Variants in ZMYM2 observed in about 807,000 individuals in gnomAD.
ZMYM2 encodes the protein zinc finger MYM-type protein 2.
Under a neutral mutation model 162.8 loss-of-function variants are expected in ZMYM2, and 56 were observed. The ratio of observed to expected loss-of-function variants is 0.34; its 90% CI spans 0.28 to 0.43. The LOEUF (loss-of-function observed/expected upper bound fraction) is 0.43. Among genes scored for constraint, ZMYM2 ranks in the 20% least tolerant of loss-of-function variants. The probability of loss-of-function intolerance (pLI) is 1.00; values close to 1 mark genes in which losing one functional copy is unlikely to be tolerated. For missense variants in ZMYM2, 1,275 were observed against 1,621.8 expected (o/e 0.79, Z 3.67); for synonymous variants, 510 against 541.6 (o/e 0.94, Z 0.81).
chr13:19,985,298 A>AT (rs1438123225), intron 2 of ZMYM2, among the ~76,000 whole-genome samples: 1 of 151,942 alleles, frequency 6.6e-6, no homozygotes, highest in Admixed American at 6.6e-5. Context: ...TAATTTTTGT[A>AT]TTTTTTGTAG....
chr13:20,017,556 C>T (rs1951729192), intron 6 of ZMYM2, among the ~76,000 whole-genome samples: 1 of 150,794 alleles, frequency 6.6e-6, no homozygotes, highest in African/African-American at 2.4e-5. Context: ...TTTTGGAGGA[C>T]TTTTCTAACT....
the ZMYM2 span, among the ~76,000 whole-genome samples, chr13:19,949,836 G>A: frequency 4.1e-5 from 6 of 145,932 alleles, no homozygotes; most frequent in African/African-American, 1.0e-4. Flanking sequence ...GCAGCAAGTC[G>A]AGATCACGCC....
At chr13:19,982,022 G>C (rs1440701328) in intron 2 of ZMYM2, among the ~76,000 whole-genome samples, 2 of 152,178 alleles carry the variant, frequency 1.3e-5, no homozygotes, top group Non-Finnish European at 2.9e-5. Flanking sequence ...CCAATTTCCT[G>C]AATGGGGAGA....
the ZMYM2 span, among the ~76,000 whole-genome samples, chr13:19,892,564 C>A: frequency 2.0e-5 from 3 of 151,840 alleles, no homozygotes; most frequent in East Asian, 5.8e-4. Context: ...CATGAGCCAC[C>A]GCGCCTGTCC....
At chr13:19,955,630 C>CT (rs374913356), upstream of ZMYM2, among the ~76,000 whole-genome samples, 174 of 151,258 alleles carry the variant, frequency 1.2e-3, 1 homozygote, top group Middle Eastern at 0.017. Flanking sequence ...TATAACAACT[C>CT]TTTTTTTTTG....
chr13:19,984,011 T>C (rs11619511), intron 2 of ZMYM2, among the ~76,000 whole-genome samples: 35,365 of 152,172 alleles, frequency 0.23, 5,089 homozygotes, highest in Admixed American at 0.33. Flanking sequence ...TGACTTATAA[T>C]ACTCTTTGCT....
At chr13:19,954,231 T>C (rs9552046), upstream of ZMYM2, among the ~76,000 whole-genome samples, 129,885 of 148,836 alleles carry the variant, frequency 0.87, 57,703 homozygotes, top group East Asian at 0.99. Flanking sequence ...CGGGTTCACG[T>C]CATCCTCCTG....
chr13:19,944,017 G>A, the ZMYM2 span, among the ~76,000 whole-genome samples: 1 of 152,198 alleles, frequency 6.6e-6, no homozygotes, highest in Non-Finnish European at 1.5e-5. Context: ...ATGCGGGGCT[G>A]TAGAAAGAAC....
At chr13:20,065,456 G>A (rs1956602016) in intron 19 of ZMYM2, among the ~76,000 whole-genome samples, 1 of 152,028 alleles carries the variant, frequency 6.6e-6, no homozygotes, top group Non-Finnish European at 1.5e-5. Context: ...AAATAAACTG[G>A]ACTACATCAA....
chr13:20,023,323 T>G lies in ZMYM2; in HGVS notation c.1585-3289T>G, dbSNP rs575790495. ...TGGGGCGCCATTTCCTAAATTAGATTTGCAGCAGCAGGTACATCAAGCCAT... is the reference window on the plus strand; with the variant it reads ...TGGGGCGCCATTTCCTAAATTAGATGTGCAGCAGCAGGTACATCAAGCCAT... On this transcript the variant is annotated intron_variant, in intron 7 of 24. Coordinates refer to ENST00000610343, the MANE Select transcript of ZMYM2 (RefSeq NM_197968.4). 2.0e-5 allele frequency among the ~76,000 whole-genome samples: 3 copies of G among 152,228 alleles called. No homozygotes were observed. The East Asian group carries it at 5.8e-4, about 29-fold the overall frequency.
upstream of ZMYM2, among the ~76,000 whole-genome samples, chr13:19,957,190 CTCTG>C (rs1199902103): frequency 2.0e-5 from 3 of 151,644 alleles, no homozygotes; most frequent in African/African-American, 7.3e-5. Context: ...CTAGATTATC[CTCTG>C]TAAGTTGCGT....
At chr13:19,918,126 T>G in the ZMYM2 span, among the ~76,000 whole-genome samples, 8 of 152,092 alleles carry the variant, frequency 5.3e-5, no homozygotes, top group East Asian at 1.5e-3. Context: ...CCCTGGAAAT[T>G]TATATTTTCA....
intron 2 of ZMYM2, among the ~76,000 whole-genome samples, chr13:19,985,601 G>A (rs774040177): frequency 1.3e-5 from 2 of 152,038 alleles, no homozygotes; most frequent in Non-Finnish European, 2.9e-5. Flanking sequence ...TACTCAGGAG[G>A]CTGAGGCAGA....
intron 24 of ZMYM2, among the ~76,000 whole-genome samples, chr13:20,085,488 A>G (rs780341272): frequency 7.9e-5 from 12 of 152,184 alleles, no homozygotes; most frequent in Non-Finnish European, 1.6e-4. Context: ...ACATTTCACT[A>G]TTTCTGAAAC....
intron 2 of ZMYM2, among the ~76,000 whole-genome samples, chr13:19,964,889 T>C (rs1311987350): frequency 1.3e-5 from 2 of 152,220 alleles, no homozygotes; most frequent in Non-Finnish European, 2.9e-5. Context: ...ATATAACTAA[T>C]TGTTGCAACT....
At chr13:20,039,448 T>A (rs923776115) in intron 12 of ZMYM2, among the ~76,000 whole-genome samples, 4 of 151,394 alleles carry the variant, frequency 2.6e-5, no homozygotes, top group African/African-American at 9.7e-5. Flanking sequence ...TGAGGTATAT[T>A]TCTTCAATAC....
Position 20,086,082 on chromosome 13 carries a change from T to C in ZMYM2, c.*68T>C, listed in dbSNP as rs923102024. 2.0e-6 allele frequency: 3 copies of C among 1,492,906 alleles called. No homozygotes were observed. Among genetic ancestry groups the C allele is most frequent in the Admixed American group, 1.9e-5 (1 of 51,536 alleles). 92.5% of individuals were successfully genotyped at this position (1,492,906 alleles called of 1,614,324 possible). A position where few individuals can be genotyped will look rare whatever the true frequency, so the allele number is the denominator to read the frequency against. ...TAGTCATGCTGCTAGATCTTTATTA[T>C]GGAAAACATTTCAAGTTTACTCCTT... On this transcript the variant is annotated 3_prime_UTR_variant, in exon 25 of 25. Coordinates refer to ENST00000610343, the MANE Select transcript of ZMYM2 (RefSeq NM_197968.4).
chr13:20,014,479 A>C (rs1200942554), intron 6 of ZMYM2, among the ~76,000 whole-genome samples: 1 of 152,190 alleles, frequency 6.6e-6, no homozygotes, highest in Non-Finnish European at 1.5e-5. Flanking sequence ...TGTGCATTTC[A>C]TCTAGGCTGT....
intron 2 of ZMYM2, among the ~76,000 whole-genome samples, chr13:19,960,474 T>C (rs1955085800): frequency 6.6e-6 from 1 of 152,236 alleles, no homozygotes; most frequent in Non-Finnish European, 1.5e-5. Flanking sequence ...TATTTTTGTT[T>C]ATGTCTGCTG....
Sources: gnomAD v4.1 joint callset for allele counts (sites outside exome capture counted in the v4.1 genomes callset) on GRCh38, gnomAD v4.1.1 for gene constraint, MANE v1.5 for transcripts, NCBI Gene and HGNC (gene_info 2026-07-23, HGNC 2026-07-21) for gene names.